POLR2J: variants seen among roughly 807,000 people sequenced by gnomAD.
POLR2J encodes the protein RNA polymerase II subunit J.
POLR2J carries 12 observed loss-of-function variants against 13.4 expected under a neutral mutation model. The observed-to-expected ratio is 0.90, with a 90% CI of 0.57 to 1.45. POLR2J has a LOEUF of 1.45. Among genes scored for constraint, POLR2J ranks in the 40% most tolerant of loss-of-function variants. POLR2J has a pLI of 0.00. For synonymous variants in POLR2J, 31 were observed against 53.6 expected, an observed-to-expected ratio of 0.58 and a Z score of 1.84; for missense variants, 58 against 132.0, an observed-to-expected ratio of 0.44 and a Z score of 2.75.
chr7:102,473,754 A>C, intron 3 of POLR2J, 70 bp from the exon 4 acceptor site: 1 of 1,602,140 alleles, frequency 6.2e-7, no homozygotes, highest in East Asian at 2.2e-5. Context: ...ACACATGCCC[A>C]GCATCCCCCC....
rs545308042 is a variant in POLR2J, at chr7:102,473,305, C to A, written c.*344G>T. The A allele has an allele frequency of 4.0e-5, 23 of 571,496 alleles. No homozygotes were observed. The highest frequency in any genetic ancestry group is 3.9e-4 in the African/African-American group (21 of 53,344). 35.4% of individuals were successfully genotyped at this position (571,496 alleles called of 1,614,324 possible). ...TTGCACACTTCTCTCCGGCTCAGCA[C>A]AGCCCCCGCAGCAGCCCCTGGACCC... On this transcript the variant is annotated 3_prime_UTR_variant, in exon 4 of 4. Transcript: ENST00000292614.
intron 1 of POLR2J, among the ~76,000 whole-genome samples, chr7:102,477,906 C>G (rs1201533129): frequency 1.5e-5 from 2 of 130,164 alleles, no homozygotes; most frequent in African/African-American, 5.4e-5. Flanking sequence ...CCTGGAACTC[C>G]TGTGCTCAAG....
intron 3 of POLR2J, 59 bp downstream of exon 3, chr7:102,474,302 C>G (rs56296803): frequency 0.14 from 224,477 of 1,610,850 alleles, 16,535 homozygotes; most frequent in South Asian, 0.23. Flanking sequence ...TGTCCCAGGC[C>G]TGGGCACACG....
At chr7:102,474,225 G>A (rs1403315599) in intron 3 of POLR2J, 136 bp downstream of exon 3, 2 of 1,570,832 alleles carry the variant, frequency 1.3e-6, no homozygotes, top group South Asian at 1.1e-5. Flanking sequence ...GGAGCCTGTG[G>A]TGGAAGTCCC....
At chr7:102,475,306 A>G (rs1289585659) in intron 2 of POLR2J, among the ~76,000 whole-genome samples, 1 of 152,202 alleles carries the variant, frequency 6.6e-6, no homozygotes, top group Non-Finnish European at 1.5e-5. Context: ...GTAAAATGAC[A>G]AGTCCCTGGG....
intron 3 of POLR2J, chr7:102,473,908 G>A: frequency 5.6e-6 from 8 of 1,436,166 alleles, no homozygotes; most frequent in Non-Finnish European, 7.3e-6. Flanking sequence ...TTCCTGGTGA[G>A]CAGACGACTC....
rs1131359 is a variant in POLR2J, at chr7:102,473,643, T to G, written c.*6A>C. On this transcript the variant is annotated 3_prime_UTR_variant, in exon 4 of 4. Transcript: ENST00000292614. Reference sequence around the variant, plus strand: ...CTCACAGGCCGAGCAGAGCCCCCTCTGGCCCCTACTCAATTCCTTCCTGCT... The same window carrying G: ...CTCACAGGCCGAGCAGAGCCCCCTCGGGCCCCTACTCAATTCCTTCCTGCT... 6 of 1,600,978 alleles carry G rather than the reference T, an allele frequency of 3.7e-6. No individual in the cohort carries two copies. The highest frequency in any genetic ancestry group is 2.3e-5 in the East Asian group (1 of 42,966).
At position 102,473,640 on chromosome 7, in the gene POLR2J, C is replaced by G; in HGVS notation, c.*9G>C. The G allele has an allele frequency of 6.2e-7, 1 of 1,606,190 alleles. No homozygotes were observed. Among genetic ancestry groups the G allele is most frequent in the East Asian group, 2.2e-5 (1 of 44,648 alleles). ...GGGCTCACAGGCCGAGCAGAGCCCC[C>G]TCTGGCCCCTACTCAATTCCTTCCT... is the stretch of plus-strand genomic sequence containing the variant. On this transcript the variant is annotated 3_prime_UTR_variant, in exon 4 of 4. Transcript: ENST00000292614.
At chr7:102,476,975 G>A (rs560502516) in intron 1 of POLR2J, among the ~76,000 whole-genome samples, 5,527 of 95,838 alleles carry the variant, frequency 0.058, 593 homozygotes, top group African/African-American at 0.18. Flanking sequence ...GGGACCACAG[G>A]CGCACGTCAT....
At chr7:102,475,002 T>C (rs1011315465) in intron 2 of POLR2J, among the ~76,000 whole-genome samples, 20 of 151,012 alleles carry the variant, frequency 1.3e-4, no homozygotes, top group Admixed American at 3.3e-4. Context: ...CACTGGGCCT[T>C]GTGCCATGGG....
In POLR2J at chr7:102,473,506, G is replaced by GTCGGTGTCAGGGTGAGGGGTGGCCA; in HGVS notation, c.*142_*143insTGGCCACCCCTCACCCTGACACCGA. The GTCGGTGTCAGGGTGAGGGGTGGCCA allele has an allele frequency of 5.6e-6, 6 of 1,070,526 alleles. No individual in the cohort carries two copies. The highest frequency in any genetic ancestry group is 5.0e-5 in the South Asian group (3 of 59,810). 66.3% of individuals were successfully genotyped at this position (1,070,526 alleles called of 1,614,324 possible). ...AATATAAAACCTAATCTATGTACAG[G>GTCGGTGTCAGGGTGAGGGGTGGCCA]ACACGTCGGTGTCAGGGTGAGGGGT... On this transcript the variant is annotated 3_prime_UTR_variant, in exon 4 of 4. Coordinates refer to ENST00000292614, the MANE Select transcript of POLR2J (RefSeq NM_006234.6).
chr7:102,476,806 G>C (rs1304550997), intron 1 of POLR2J, among the ~76,000 whole-genome samples: 3 of 92,688 alleles, frequency 3.2e-5, no homozygotes, highest in Non-Finnish European at 7.0e-5. Flanking sequence ...TTCCGGTAGA[G>C]ATGGGGTTTT....
intron 3 of POLR2J, chr7:102,474,066 G>A (rs571061099): frequency 7.1e-7 from 1 of 1,405,334 alleles, no homozygotes; most frequent in Non-Finnish European, 9.3e-7. Flanking sequence ...TCACCAACAA[G>A]GGACGTAGAA....
Position 102,473,585 on chromosome 7 carries a change from G to T in POLR2J, c.*64C>A. 6.2e-7 allele frequency: 1 copy of T among 1,604,912 alleles called. No individual in the cohort carries two copies. Among genetic ancestry groups the T allele is most frequent in the Non-Finnish European group, 8.5e-7 (1 of 1,176,090 alleles). ...GGCCGCTCTCCTCGGTGTGGTACCTGGAGCGGAGGGTCAGGCACAGGTAGG... is the reference window on the plus strand; with the variant it reads ...GGCCGCTCTCCTCGGTGTGGTACCTTGAGCGGAGGGTCAGGCACAGGTAGG... On this transcript the variant is annotated 3_prime_UTR_variant, in exon 4 of 4. Coordinates refer to ENST00000292614, the MANE Select transcript of POLR2J (RefSeq NM_006234.6).
Position 102,473,456 on chromosome 7 carries a change from GTC to G in POLR2J, c.*191_*192del, listed in dbSNP as rs1359912320. On this transcript the variant is annotated 3_prime_UTR_variant, in exon 4 of 4. Transcript: ENST00000292614. ...CACCGCTGCTCAAGTCCACATCCAG[GTC>G]TCTCCCGCTATACTTTATTAGGAAT... 9 of 661,790 alleles carry G rather than the reference GTC, an allele frequency of 1.4e-5. No individual in the cohort carries two copies. The African/African-American group carries it at 1.6e-4, about 12-fold the overall frequency. 41.0% of individuals were successfully genotyped at this position (661,790 alleles called of 1,614,324 possible).
Position 102,478,802 on chromosome 7 carries a change from A to C in POLR2J, c.53+6T>G. The C allele has an allele frequency of 2.5e-6, 4 of 1,610,782 alleles. No individual in the cohort carries two copies. Among genetic ancestry groups the C allele is most frequent in the Non-Finnish European group, 3.4e-6 (4 of 1,179,664 alleles). ...ACCTCGGCCCGCCGCAGCCGGCGTCACTTACTTCTTCTCGCCCTCGAAGAG... is the reference window on the plus strand; with the variant it reads ...ACCTCGGCCCGCCGCAGCCGGCGTCCCTTACTTCTTCTCGCCCTCGAAGAG... On this transcript the variant is annotated splice_donor_region_variant and intron_variant, in intron 1 of 3. Coordinates refer to ENST00000292614, the MANE Select transcript of POLR2J (RefSeq NM_006234.6).
chr7:102,473,579 G>A lies in POLR2J; in HGVS notation c.*70C>T, dbSNP rs79690771. The A allele has an allele frequency of 2.0e-6, 3 of 1,514,770 alleles. No homozygotes were observed. The highest frequency in any genetic ancestry group is 4.0e-5 in the Admixed American group (2 of 49,790). 93.8% of individuals were successfully genotyped at this position (1,514,770 alleles called of 1,614,324 possible). On this transcript the variant is annotated 3_prime_UTR_variant, in exon 4 of 4. Coordinates refer to ENST00000292614, the MANE Select transcript of POLR2J (RefSeq NM_006234.6). ...GGGACCGGCCGCTCTCCTCGGTGTG[G>A]TACCTGGAGCGGAGGGTCAGGCACA...
chr7:102,478,903 G>GCCGCCA lies in POLR2J; in HGVS notation c.-49_-44dup. On this transcript the variant is annotated 5_prime_UTR_variant, in exon 1 of 4. Transcript: ENST00000292614. ...GTCCAGACCCCAAGGGTCCGCCGCC[G>GCCGCCA]CCGCCACCAGAGCCCTAATAAGAGG... is the stretch of plus-strand genomic sequence containing the variant. 1.9e-6 allele frequency: 3 copies of GCCGCCA among 1,609,418 alleles called. No individual in the cohort carries two copies. Among genetic ancestry groups the GCCGCCA allele is most frequent in the Non-Finnish European group, 8.5e-7 (1 of 1,179,286 alleles).
intron 2 of POLR2J, among the ~76,000 whole-genome samples, chr7:102,474,979 G>A (rs1409677670): frequency 5.3e-5 from 8 of 150,064 alleles, no homozygotes; most frequent in African/African-American, 1.5e-4. Context: ...AGCTGCCAGC[G>A]GCTGGCCACG....
Sources: gnomAD v4.1 joint callset for allele counts (sites outside exome capture counted in the v4.1 genomes callset) on GRCh38, gnomAD v4.1.1 for gene constraint, MANE v1.5 for transcripts, NCBI Gene and HGNC (gene_info 2026-07-23, HGNC 2026-07-21) for gene names.